TLK1: variants seen among roughly 807,000 people sequenced by gnomAD.
TLK1 encodes the protein serine/threonine-protein kinase tousled-like 1.
In TLK1, 24 loss-of-function variants were observed where a neutral mutation model predicts 105.3. The ratio of observed to expected loss-of-function variants is 0.23; its 90% CI spans 0.17 to 0.32. The LOEUF is 0.32. Ranked by LOEUF, TLK1 falls within the 10% of genes least tolerant of loss-of-function variation. The pLI is 1.00. For missense variants in TLK1, 558 were observed against 910.5 expected (o/e 0.61, Z 4.98); for synonymous variants, 321 against 310.4 (o/e 1.03, Z -0.36).
At chr2:171,069,892 TTTAAAG>T (rs1688174220) in intron 3 of TLK1, among the ~76,000 whole-genome samples, 1 of 152,208 alleles carries the variant, frequency 6.6e-6, no homozygotes, top group Non-Finnish European at 1.5e-5. Flanking sequence ...TCCTTCAATT[TTTAAAG>T]TTAAAGAGCA....
intron 1 of TLK1, among the ~76,000 whole-genome samples, chr2:171,208,076 A>G (rs1165327209): frequency 6.6e-6 from 1 of 151,886 alleles, no homozygotes; most frequent in Non-Finnish European, 1.5e-5. Context: ...TAAATTAACA[A>G]CCCAGGCTCT....
chr2:171,100,336 A>G (rs1035381558), intron 2 of TLK1, among the ~76,000 whole-genome samples: 1 of 152,228 alleles, frequency 6.6e-6, no homozygotes, highest in African/African-American at 2.4e-5. Context: ...TGCTTGTGTT[A>G]TATCTCCCTC....
chr2:171,101,346 C>CAAAAAAAAAAAAAAAAAAAAAAAAAAAA (rs71401403), intron 2 of TLK1, among the ~76,000 whole-genome samples: 3 of 63,494 alleles, frequency 4.7e-5, no homozygotes, highest in Admixed American at 2.0e-4. Context: ...AACTCCGTCT[C>CAAAAAAAAAAAAAAAAAAAAAAAAAAAA]AAAAAAAAAA....
intron 1 of TLK1, among the ~76,000 whole-genome samples, chr2:171,123,197 T>C (rs13034529): frequency 0.4 from 60,989 of 151,546 alleles, 13,949 homozygotes; most frequent in African/African-American, 0.61. Context: ...CAAATACTCA[T>C]CTGTTAAATT....
chr2:171,137,654 A>C (rs967214427), intron 1 of TLK1, among the ~76,000 whole-genome samples: 1 of 151,846 alleles, frequency 6.6e-6, no homozygotes, highest in Non-Finnish European at 1.5e-5. Flanking sequence ...TTCGCGACCA[A>C]CCTGGGCAAC....
At chr2:171,066,548 A>G (rs1688004657) in intron 3 of TLK1, among the ~76,000 whole-genome samples, 1 of 152,212 alleles carries the variant, frequency 6.6e-6, no homozygotes, top group African/African-American at 2.4e-5. Flanking sequence ...AAGAAATGTA[A>G]TATTAAAACA....
intron 2 of TLK1, among the ~76,000 whole-genome samples, chr2:171,106,373 T>C (rs1689925022): frequency 6.6e-5 from 10 of 152,228 alleles, no homozygotes. Context: ...TGATAAATGT[T>C]TGAGGTGACA....
chr2:171,176,005 C>T (rs1032443316), intron 1 of TLK1, among the ~76,000 whole-genome samples: 1 of 152,064 alleles, frequency 6.6e-6, no homozygotes, highest in Non-Finnish European at 1.5e-5. Context: ...GGCGCGACCT[C>T]TGCTCACTGC....
chr2:171,119,926 A>C (rs1355142166), intron 1 of TLK1, among the ~76,000 whole-genome samples: 6 of 152,188 alleles, frequency 3.9e-5, no homozygotes, highest in African/African-American at 1.4e-4. Context: ...GGTTTCTTTG[A>C]TCTAACACCA....
intron 14 of TLK1, among the ~76,000 whole-genome samples, chr2:171,008,408 T>C (rs1035977701): frequency 2.6e-5 from 4 of 152,132 alleles, no homozygotes; most frequent in South Asian, 4.2e-4. Context: ...AGTAAGTTTA[T>C]ATAAGGGACA....
At chr2:171,064,447 A>G (rs1364540611) in intron 3 of TLK1, among the ~76,000 whole-genome samples, 1 of 152,238 alleles carries the variant, frequency 6.6e-6, no homozygotes, top group African/African-American at 2.4e-5. Context: ...TCCAAAGGAC[A>G]TCAACCAGGC....
chr2:171,111,290 C>G (rs997454440), intron 2 of TLK1, among the ~76,000 whole-genome samples: 2 of 152,036 alleles, frequency 1.3e-5, no homozygotes, highest in African/African-American at 4.8e-5. Flanking sequence ...AAGATCTCCC[C>G]GGCTGAGCAC....
At chr2:171,212,991 A>T (rs1693648331) in intron 1 of TLK1, among the ~76,000 whole-genome samples, 1 of 152,080 alleles carries the variant, frequency 6.6e-6, no homozygotes, top group Non-Finnish European at 1.5e-5. Flanking sequence ...GAAAAAAGTC[A>T]TCTCCTTTAT....
At position 171,050,156 on chromosome 2, in the gene TLK1, G is replaced by A. The variant is rs911350579; in HGVS notation, c.751C>T (p.Arg251Trp). The A allele has an allele frequency of 5.0e-6, 8 of 1,596,012 alleles. No homozygotes were observed. The highest frequency in any genetic ancestry group is 2.7e-5 in the African/African-American group (2 of 74,374). ...DLLRANCDLR[R>W]QIDEQQKLLE... The stretch of plus-strand genomic sequence containing the variant: ...AATTTTTGTTGTTCATCTATTTGCC[G>A]TCTGAGATCACAGTTAGCCTATGAC... The change falls in exon 9 of 21, where the codon CGG (arginine) becomes TGG (tryptophan). Residue 251 changes from arginine (R) to tryptophan (W), a missense_variant. Coordinates refer to ENST00000431350, the MANE Select transcript of TLK1 (RefSeq NM_012290.5).
intron 12 of TLK1, among the ~76,000 whole-genome samples, chr2:171,022,086 AACACAC>A (rs557803785): frequency 3.7e-4 from 38 of 103,010 alleles, no homozygotes; most frequent in African/African-American, 1.0e-3. Context: ...CTGGGCGAAA[AACACAC>A]ACACACACAC....
At chr2:171,048,203 C>T (rs1479895780) in intron 10 of TLK1, among the ~76,000 whole-genome samples, 2 of 41,964 alleles carry the variant, frequency 4.8e-5, no homozygotes, top group African/African-American at 7.8e-5. Flanking sequence ...CCCAACTCGG[C>T]CTCCCAAAGT....
chr2:171,073,950 G>C (rs1340626555), intron 3 of TLK1, among the ~76,000 whole-genome samples: 1 of 147,774 alleles, frequency 6.8e-6, no homozygotes, highest in African/African-American at 2.5e-5. Context: ...GAGTGCAGTG[G>C]TGCAATCTCG....
At chr2:171,081,902 G>C (rs767893109) in intron 3 of TLK1, among the ~76,000 whole-genome samples, 1 of 152,094 alleles carries the variant, frequency 6.6e-6, no homozygotes, top group Non-Finnish European at 1.5e-5. Context: ...AAGAGTTTCT[G>C]AGTGCTAATG....
intron 7 of TLK1, chr2:171,054,417 G>A (rs1687397783): frequency 6.6e-6 from 1 of 152,286 alleles, no homozygotes; most frequent in Non-Finnish European, 1.5e-5. Flanking sequence ...ATCTCATGCA[G>A]CAAAACCTTT....
Sources: gnomAD v4.1 joint callset for allele counts (sites outside exome capture counted in the v4.1 genomes callset) on GRCh38, gnomAD v4.1.1 for gene constraint, MANE v1.5 for transcripts, NCBI Gene and HGNC (gene_info 2026-07-23, HGNC 2026-07-21) for gene names.